The following RIPOR3 variants were observed in gnomAD, a reference collection of about 807,000 sequenced individuals.
RIPOR3 encodes RIPOR family member 3.
RIPOR3 carries 95 observed loss-of-function variants against 114.3 expected under a neutral mutation model. The ratio of observed to expected loss-of-function variants is 0.83; its 90% CI spans 0.70 to 0.99. The LOEUF is 0.99. RIPOR3 is among the 50% of genes least tolerant of loss of function. The pLI, the probability that RIPOR3 is intolerant of heterozygous loss-of-function variation, is 0.00. For missense variants in RIPOR3, 1,252 were observed against 1,266.9 expected, an observed-to-expected ratio of 0.99 and a Z score of 0.18; for synonymous variants, 575 against 543.8, an observed-to-expected ratio of 1.06 and a Z score of -0.80.
chr20:50,612,125 A>C (rs2083999308), intron 4 of RIPOR3, among the ~76,000 whole-genome samples: 1 of 109,134 alleles, frequency 9.2e-6, no homozygotes, highest in Non-Finnish European at 1.9e-5. Flanking sequence ...ACTCCATCTC[A>C]AAAAAAAAAA....
At chr20:50,652,590 C>CAAAAAAAAAAAAAAAAAAAAAAAAAAA (rs11470456) in intron 1 of RIPOR3, among the ~76,000 whole-genome samples, 7 of 87,320 alleles carry the variant, frequency 8.0e-5, no homozygotes, top group Non-Finnish European at 1.1e-4. Context: ...GATTCTGTCT[C>CAAAAAAAAAAAAAAAAAAAAAAAAAAA]AAAAAAAAAA....
intron 2 of RIPOR3, among the ~76,000 whole-genome samples, chr20:50,629,966 G>A (rs2084759883): frequency 6.6e-6 from 1 of 151,958 alleles, no homozygotes; most frequent in Non-Finnish European, 1.5e-5. Context: ...TTCTTTTTTG[G>A]TGTTTTTGTG....
At chr20:50,655,686 TGTG>T (rs1568931499) in intron 1 of RIPOR3, among the ~76,000 whole-genome samples, 1 of 151,976 alleles carries the variant, frequency 6.6e-6, no homozygotes, top group Non-Finnish European at 1.5e-5. Flanking sequence ...TGTGTGTGTG[TGTG>T]TGTGTGTGTG....
chr20:50,609,627 G>C lies in RIPOR3; in HGVS notation c.522C>G (p.Arg174=). The C allele has an allele frequency of 7.1e-7, 1 of 1,406,328 alleles. No homozygotes were observed. Among genetic ancestry groups the C allele is most frequent in the Non-Finnish European group, 9.2e-7 (1 of 1,084,028 alleles). 87.1% of individuals were successfully genotyped at this position (1,406,328 alleles called of 1,614,324 possible). A position where few individuals can be genotyped will look rare whatever the true frequency, so the allele number is the denominator to read the frequency against. ...GCTCCTGCAGGCTCTCTCGGGCTGCGCGGCTCGGGGGGCACCGGGCGAAGG... is the reference window on the plus strand; with the variant it reads ...GCTCCTGCAGGCTCTCTCGGGCTGCCCGGCTCGGGGGGCACCGGGCGAAGG... The part of the protein sequence containing the change: ...QRAFARCPPS[R]AARESLQELG... The change falls in exon 7 of 22, where the codon CGC becomes CGG. Residue 174 remains arginine (R), a synonymous_variant. Transcript: ENST00000327979.
chr20:50,689,222 G>T, intron 1 of RIPOR3, among the ~76,000 whole-genome samples: 1 of 145,902 alleles, frequency 6.9e-6, no homozygotes, highest in East Asian at 2.0e-4. Flanking sequence ...TGTTGGCCAG[G>T]CTGGAGTGCA....
chr20:50,624,265 T>G (rs959399482), intron 2 of RIPOR3, among the ~76,000 whole-genome samples: 4 of 152,158 alleles, frequency 2.6e-5, no homozygotes, highest in Non-Finnish European at 4.4e-5. Context: ...TTTGCCATCT[T>G]GAGGCTGGCA....
chr20:50,640,873 G>A (rs754473931), intron 1 of RIPOR3, among the ~76,000 whole-genome samples: 5 of 148,938 alleles, frequency 3.4e-5, no homozygotes, highest in Admixed American at 6.7e-5. Flanking sequence ...TAAGAGTAAT[G>A]TATTCATTGT....
At chr20:50,650,388 C>T (rs1273412087) in intron 1 of RIPOR3, among the ~76,000 whole-genome samples, 2 of 152,018 alleles carry the variant, frequency 1.3e-5, no homozygotes, top group African/African-American at 2.4e-5. Flanking sequence ...CTGCAACCTC[C>T]ACCTCCCGGG....
chr20:50,653,647 G>A (rs889560229), intron 1 of RIPOR3, among the ~76,000 whole-genome samples: 1 of 151,096 alleles, frequency 6.6e-6, no homozygotes, highest in African/African-American at 2.4e-5. Context: ...CTAGAGTGCA[G>A]TGGTGCCATC....
At chr20:50,644,261 T>C (rs4809801) in intron 1 of RIPOR3, among the ~76,000 whole-genome samples, 51,858 of 151,964 alleles carry the variant, frequency 0.34, 9,930 homozygotes, top group African/African-American at 0.52. Flanking sequence ...CATAAGCCAC[T>C]GCACCTGACC....
intron 1 of RIPOR3, among the ~76,000 whole-genome samples, chr20:50,637,653 T>A (rs1208269355): frequency 1.3e-5 from 2 of 152,126 alleles, no homozygotes; most frequent in South Asian, 2.1e-4. Context: ...GTCTGGTGGA[T>A]CACCTGAGGT....
At chr20:50,633,154 C>T (rs577510441) in intron 1 of RIPOR3, among the ~76,000 whole-genome samples, 4 of 152,186 alleles carry the variant, frequency 2.6e-5, no homozygotes, top group Admixed American at 2.0e-4. Context: ...CCCAGCTACT[C>T]GGGAGGCTGA....
chr20:50,680,232 C>T (rs6020682), intron 1 of RIPOR3, among the ~76,000 whole-genome samples: 70 of 152,344 alleles, frequency 4.6e-4, no homozygotes, highest in African/African-American at 1.6e-3. Context: ...GCCAACTTCT[C>T]TCTACAGTCA....
intron 1 of RIPOR3, among the ~76,000 whole-genome samples, chr20:50,674,276 C>T (rs576503797): frequency 1.3e-5 from 2 of 151,982 alleles, no homozygotes; most frequent in Admixed American, 1.3e-4. Flanking sequence ...AGAGTCCCAA[C>T]CCCAGATTTA....
At position 50,590,356 on chromosome 20, in the gene RIPOR3, C is replaced by G. The variant is rs574260605; in HGVS notation, c.2578-587G>C. On this transcript the variant is annotated intron_variant, in intron 19 of 21. Transcript: ENST00000327979. ...TGTCAGAAAGCACACAGGGTTATGC[C>G]CGGCCCGCAGTGGAGTCCAGCGTCT... Among the ~76,000 whole-genome samples the G allele has an allele frequency of 2.6e-5, 4 of 152,336 alleles. 1 individual carries two copies. In the South Asian group the frequency reaches 8.3e-4, roughly 32 times the overall value.
At chr20:50,686,934 G>T (rs1327934217) in intron 1 of RIPOR3, among the ~76,000 whole-genome samples, 2 of 152,094 alleles carry the variant, frequency 1.3e-5, no homozygotes, top group African/African-American at 2.4e-5. Flanking sequence ...TTTTCCTCTC[G>T]TGCTTGCTGG....
intron 1 of RIPOR3, among the ~76,000 whole-genome samples, chr20:50,653,780 A>G (rs2085706162): frequency 6.6e-6 from 1 of 151,958 alleles, no homozygotes; most frequent in Non-Finnish European, 1.5e-5. Context: ...TTGTAGAGAC[A>G]GGGTTTTGCC....
Position 50,608,431 on chromosome 20 carries a change from G to A in RIPOR3, c.914C>T (p.Thr305Met), listed in dbSNP as rs767705382. 30 of 1,613,880 alleles carry A rather than the reference G, an allele frequency of 1.9e-5. No homozygotes were observed. Among genetic ancestry groups the A allele is most frequent in the East Asian group, 2.2e-5 (1 of 44,876 alleles). Residue 305 changes from threonine (T) to methionine (M), a missense_variant, in exon 11 of 22, where the codon ACG (threonine) becomes ATG (methionine). By Grantham distance (81) the Thr-to-Met change is moderately conservative. Transcript: ENST00000327979. ...CTGCAGCTTGATGGTACCCAACTCCGTGATGTCCACCACGATGACCTGCGG... is the reference window on the plus strand; with the variant it reads ...CTGCAGCTTGATGGTACCCAACTCCATGATGTCCACCACGATGACCTGCGG... ...TRPQVIVVDI[T>M]ELGTIKLQLE... is the part of the protein sequence containing the mutation.
intron 2 of RIPOR3, among the ~76,000 whole-genome samples, chr20:50,623,495 T>C (rs1304163536): frequency 1.3e-5 from 2 of 151,908 alleles, no homozygotes; most frequent in Admixed American, 6.6e-5. Flanking sequence ...AGGAGCAAGG[T>C]TTGACCCAGG....
Sources: allele counts gnomAD v4.1 joint callset (sites outside exome capture counted in the v4.1 genomes callset), GRCh38; gene constraint gnomAD v4.1.1; transcripts MANE v1.5; gene names NCBI Gene and HGNC (gene_info 2026-07-23, HGNC 2026-07-21).